Variants in FOXA2 observed in about 807,000 individuals in gnomAD.
FOXA2 encodes the protein hepatocyte nuclear factor 3-beta.
FOXA2 carries 9 observed loss-of-function variants against 33.3 expected under a neutral mutation model. That is an observed-to-expected ratio of 0.27 (90% CI 0.16 to 0.47). The LOEUF is 0.47. Ranked by LOEUF, FOXA2 falls within the 20% of genes least tolerant of loss-of-function variation. The pLI, the probability that FOXA2 is intolerant of heterozygous loss-of-function variation, is 0.99. For missense variants in FOXA2, 704 were observed against 659.9 expected (o/e 1.07, Z -0.73); for synonymous variants, 329 against 289.4 (o/e 1.14, Z -1.39).
rs761992311 is a variant in FOXA2, at chr20:22,581,875, G to C, written c.1367C>G (p.Ser456Cys). The change falls in exon 2 of 2, where the codon TCC becomes TGC. Residue 456 changes from serine (S) to cysteine (C), a missense_variant. Ser to Cys is a moderately radical substitution (Grantham distance 112, BLOSUM62 -1). Coordinates refer to ENST00000419308, the MANE Select transcript of FOXA2 (RefSeq NM_021784.5). The part of the protein sequence containing the change: ...ADTSYYQGVY[S>C]RPIMNSS ...TTAAGAGGAGTTCATAATGGGCCGG[G>C]AGTACACCCCCTGGTAGTAGGAGGT... 4.4e-6 allele frequency: 7 copies of C among 1,607,356 alleles called. No individual in the cohort carries two copies. Among genetic ancestry groups the C allele is most frequent in the Non-Finnish European group, 6.0e-6 (7 of 1,174,574 alleles).
rs147303608 is a variant in FOXA2 at position 22,582,777 on chromosome 20, C to T, written c.465G>A (p.Lys155=). The change falls in exon 2 of 2, where the codon AAG becomes AAA. Residue 155 remains lysine, a synonymous_variant. Transcript: ENST00000419308. The part of the protein sequence containing the change: ...QAGLSRARDP[K]TYRRSYTHAK... The stretch of plus-strand genomic sequence containing the variant: ...CGTGCGTGTAGCTGCGCCTGTAGGT[C>T]TTGGGGTCGCGGGCGCGGCTCAGGC... 2.2e-4 allele frequency: 348 copies of T among 1,614,088 alleles called. No homozygotes were observed. In the African/African-American group the frequency reaches 4.1e-3, roughly 19 times the overall value.
chr20:22,584,167 C>T (rs200785320), intron 1 of FOXA2, 25 bp downstream of exon 1: 30 of 1,609,118 alleles, frequency 1.9e-5, no homozygotes, highest in Non-Finnish European at 2.5e-5. Flanking sequence ...CGCTCCACTT[C>T]CCCCTGGAAA....
In FOXA2 at chr20:22,581,887, T is replaced by G. The variant is rs1984584234; in HGVS notation, c.1355A>C (p.Gln452Pro). 6.2e-7 allele frequency: 1 copy of G among 1,606,546 alleles called. No homozygotes were observed. The highest frequency in any genetic ancestry group is 8.5e-7 in the Non-Finnish European group (1 of 1,173,832). The change falls in exon 2 of 2, where the codon CAG (glutamine) becomes CCG (proline). Residue 452 changes from glutamine (Q) to proline (P), a missense_variant. By Grantham distance (76) the Gln-to-Pro change is moderately conservative. Transcript: ENST00000419308. ...CATAATGGGCCGGGAGTACACCCCCTGGTAGTAGGAGGTATCTGCGGCCAG... is the reference window on the plus strand; with the variant it reads ...CATAATGGGCCGGGAGTACACCCCCGGGTAGTAGGAGGTATCTGCGGCCAG... ...SPLAADTSYY[Q>P]GVYSRPIMNS... is the part of the protein sequence containing the mutation.
chr20:22,581,882 C>T lies in FOXA2; in HGVS notation c.1360G>A (p.Val454Met). ...GAGTTCATAATGGGCCGGGAGTACA[C>T]CCCCTGGTAGTAGGAGGTATCTGCG... ...LAADTSYYQG[V>M]YSRPIMNSS The change falls in exon 2 of 2, where the codon GTG becomes ATG. Residue 454 changes from valine (V) to methionine (M), a missense_variant. By Grantham distance (21) the Val-to-Met change is conservative (BLOSUM62 1). Around this residue, in one of 5 missense-constraint regions of FOXA2, gnomAD observed 343 missense variants for 274.8 expected, o/e 1.25. Coordinates refer to ENST00000419308, the MANE Select transcript of FOXA2 (RefSeq NM_021784.5). 1 of 1,607,186 alleles carries T rather than the reference C, an allele frequency of 6.2e-7. No individual in the cohort carries two copies. The highest frequency in any genetic ancestry group is 8.5e-7 in the Non-Finnish European group (1 of 1,174,342).
chr20:22,584,172 T>G lies in FOXA2; in HGVS notation c.87+20A>C, dbSNP rs767588191. On this transcript the variant is annotated intron_variant, in intron 1 of 1. Coordinates refer to ENST00000419308, the MANE Select transcript of FOXA2 (RefSeq NM_021784.5). ...CGAGCGCCGCCGCTCCACTTCCCCC[T>G]GGAAAAGACGAGCGCTTACCTCGGG... 11 of 1,611,582 alleles carry G rather than the reference T, an allele frequency of 6.8e-6. No homozygotes were observed. Among genetic ancestry groups the G allele is most frequent in the Non-Finnish European group, 9.3e-6 (11 of 1,178,772 alleles).
chr20:22,583,877 C>A (rs1984674758), intron 1 of FOXA2, among the ~76,000 whole-genome samples: 1 of 152,176 alleles, frequency 6.6e-6, no homozygotes, highest in Admixed American at 6.5e-5. Context: ...CCTCGCCGGC[C>A]GACCTCCCAC....
Position 22,582,157 on chromosome 20 carries a change from G to C in FOXA2, c.1085C>G (p.Pro362Arg), listed in dbSNP as rs747174796. The stretch of plus-strand genomic sequence containing the variant: ...CAGGTGGGCCTCAGGCGGCAGGCCC[G>C]GGTGGTGGGGCGGGCCCAGCAGGTG... ...AAHLLGPPHH[P>R]GLPPEAHLKP... Residue 362 changes from proline (P) to arginine (R), a missense_variant, in exon 2 of 2, where the codon CCG becomes CGG. Physicochemically the swap from Pro to Arg is moderately radical, Grantham distance 103. Around this residue, in one of 5 missense-constraint regions of FOXA2, gnomAD observed 343 missense variants for 274.8 expected, o/e 1.25. Coordinates refer to ENST00000419308, the MANE Select transcript of FOXA2 (RefSeq NM_021784.5). 5.8e-6 allele frequency: 9 copies of C among 1,564,258 alleles called. No individual in the cohort carries two copies. The highest frequency in any genetic ancestry group is 1.9e-5 in the Admixed American group (1 of 51,910).
intron 1 of FOXA2, 79 bp downstream of exon 1, chr20:22,584,113 A>G (rs1416509015): frequency 1.4e-6 from 2 of 1,403,260 alleles, no homozygotes; most frequent in Non-Finnish European, 2.0e-6. Context: ...GGGGGGTGCC[A>G]GCGAGGGAAG....
rs1984554226 is a variant in FOXA2 at position 22,581,125 on chromosome 20, C to T, written c.*725G>A. 6.6e-6 allele frequency: 1 copy of T among 152,474 alleles called. No homozygotes were observed. The highest frequency in any genetic ancestry group is 1.5e-5 in the Non-Finnish European group (1 of 68,018). 9.4% of individuals were successfully genotyped at this position (152,474 alleles called of 1,614,324 possible). A position where few individuals can be genotyped will look rare whatever the true frequency, so the allele number is the denominator to read the frequency against. ...CTCCTTCTTGAAATAATTTCCAAGC[C>T]TGTATATTTTGTAAGCCAAGTAAAG... On this transcript the variant is annotated 3_prime_UTR_variant, in exon 2 of 2. Coordinates refer to ENST00000419308, the MANE Select transcript of FOXA2 (RefSeq NM_021784.5).
chr20:22,583,942 G>C (rs949858960), intron 1 of FOXA2, among the ~76,000 whole-genome samples: 3 of 152,066 alleles, frequency 2.0e-5, no homozygotes, highest in African/African-American at 7.2e-5. Context: ...TGCGTGGCTC[G>C]GCCACGAAGA....
In FOXA2 at chr20:22,581,822, G is replaced by A; in HGVS notation, c.*28C>T. The A allele has an allele frequency of 6.2e-7, 1 of 1,602,346 alleles. No homozygotes were observed. The highest frequency in any genetic ancestry group is 8.5e-7 in the Non-Finnish European group (1 of 1,170,904). On this transcript the variant is annotated 3_prime_UTR_variant, in exon 2 of 2. Transcript: ENST00000419308. ...CTTGTCCTCGATCCGGGGTGCCAGA[G>A]TTAGCCGGGCCTGAAGCCGTCGTCT...
At chr20:22,585,235 T>C (rs1486825727), upstream of FOXA2, 1 of 152,278 alleles carries the variant, frequency 6.6e-6, no homozygotes, top group African/African-American at 2.4e-5. Context: ...GACAGCCAAT[T>C]TGCAAAGCGC....
chr20:22,583,442 A>T (rs1984660366), intron 1 of FOXA2, among the ~76,000 whole-genome samples: 1 of 152,150 alleles, frequency 6.6e-6, no homozygotes, highest in Non-Finnish European at 1.5e-5. Flanking sequence ...GAGTACTCCC[A>T]AGCCAGCACC....
Position 22,582,232 on chromosome 20 carries a change from C to T in FOXA2, c.1010G>A (p.Ser337Asn). Reference protein sequence around the residue: ...ELKGTPAAALSPPEPAPSPGQ... With the variant: ...ELKGTPAAALNPPEPAPSPGQ... Reference sequence around the variant, plus strand: ...GGGAGAGGGCGCCGGCTCTGGGGGGCTCAGCGCCGCAGCCGGCGTCCCCTT... The same window carrying T: ...GGGAGAGGGCGCCGGCTCTGGGGGGTTCAGCGCCGCAGCCGGCGTCCCCTT... Residue 337 changes from serine to asparagine, a missense_variant, in exon 2 of 2, where the codon AGC (serine) becomes AAC (asparagine). Physicochemically the swap from Ser to Asn is conservative, Grantham distance 46. Around this residue, in one of 5 missense-constraint regions of FOXA2, gnomAD observed 343 missense variants for 274.8 expected, o/e 1.25. Coordinates refer to ENST00000419308, the MANE Select transcript of FOXA2 (RefSeq NM_021784.5). 1 of 1,486,188 alleles carries T rather than the reference C, an allele frequency of 6.7e-7. No homozygotes were observed. Among genetic ancestry groups the T allele is most frequent in the Non-Finnish European group, 8.9e-7 (1 of 1,123,376 alleles). 92.1% of individuals were successfully genotyped at this position (1,486,188 alleles called of 1,614,324 possible). A position where few individuals can be genotyped will look rare whatever the true frequency, so the allele number is the denominator to read the frequency against.
chr20:22,583,082 C>A lies in FOXA2; in HGVS notation c.160G>T (p.Ala54Ser). ...CCCGAGCCGCTGCCCATGGCGGCCG[C>A]CGACATGCTCATGTACGTGTTCATG... ...NGMNTYMSMS[A>S]AAMGSGSGNM... The change falls in exon 2 of 2, where the codon GCG (alanine) becomes TCG (serine). Residue 54 changes from alanine (A) to serine (S), a missense_variant. Ala to Ser is a moderately conservative substitution (Grantham distance 99). Transcript: ENST00000419308. 6.2e-7 allele frequency: 1 copy of A among 1,609,236 alleles called. No homozygotes were observed.
Position 22,581,981 on chromosome 20 carries a change from C to G in FOXA2, c.1261G>C (p.Gly421Arg). Reference protein sequence around the residue: ...YEQVMHYPGYGSPMPGSLAMG... With the variant: ...YEQVMHYPGYRSPMPGSLAMG... ...GCCAAGCTGCCAGGCATGGGGGAACCGTAGCCGGGGTAGTGCATCACCTGT... is the reference window on the plus strand; with the variant it reads ...GCCAAGCTGCCAGGCATGGGGGAACGGTAGCCGGGGTAGTGCATCACCTGT... Residue 421 changes from glycine (G) to arginine (R), a missense_variant, in exon 2 of 2, where the codon GGT becomes CGT. This residue lies in a region of FOXA2 where 343 missense variants were observed against 274.8 expected (regional missense o/e 1.25). Transcript: ENST00000419308. 2 of 1,613,710 alleles carry G rather than the reference C, an allele frequency of 1.2e-6. No homozygotes were observed. The highest frequency in any genetic ancestry group is 1.3e-5 in the African/African-American group (1 of 75,040).
upstream of FOXA2, among the ~76,000 whole-genome samples, chr20:22,584,672 T>TGGAGGAGAA (rs1325551283): frequency 0.12 from 4,272 of 34,356 alleles, 193 homozygotes; most frequent in African/African-American, 0.22. Flanking sequence ...GTGGTGGTGG[T>TGGAGGAGAA]GGAGGAGGAG....
At position 22,582,982 on chromosome 20, in the gene FOXA2, G is replaced by C; in HGVS notation, c.260C>G (p.Ser87Cys). ...AGMSPSLAGM[S>C]PGAGAMAGMG... is the part of the protein sequence containing the mutation. ...GCCCGCCATGGCGCCCGCGCCGGGGGACATCCCCGCCAGGGACGGGCTCAT... is the reference window on the plus strand; with the variant it reads ...GCCCGCCATGGCGCCCGCGCCGGGGCACATCCCCGCCAGGGACGGGCTCAT... The change falls in exon 2 of 2, where the codon TCC (serine) becomes TGC (cysteine). Residue 87 changes from serine to cysteine, a missense_variant. Ser to Cys is a moderately radical substitution (Grantham distance 112, BLOSUM62 -1). This residue lies in a region of FOXA2 where 304 missense variants were observed against 251.7 expected (regional missense o/e 1.21). Coordinates refer to ENST00000419308, the MANE Select transcript of FOXA2 (RefSeq NM_021784.5). The C allele has an allele frequency of 6.2e-7, 1 of 1,605,000 alleles. No individual in the cohort carries two copies. The highest frequency in any genetic ancestry group is 8.5e-7 in the Non-Finnish European group (1 of 1,177,960).
In FOXA2 at chr20:22,582,351, G is replaced by A. The variant is rs1984608182; in HGVS notation, c.891C>T (p.Ala297=). 1.3e-6 allele frequency: 2 copies of A among 1,482,342 alleles called. No homozygotes were observed. Among genetic ancestry groups the A allele is most frequent in the South Asian group, 2.8e-5 (2 of 72,296 alleles). 91.8% of individuals were successfully genotyped at this position (1,482,342 alleles called of 1,614,324 possible). The change falls in exon 2 of 2, where the codon GCC becomes GCT. Residue 297 remains alanine (A), a synonymous_variant. Transcript: ENST00000419308. ...CCGCCGGAGTCTCGGAGGCCGGCCC[G>A]GCGGCCTCCCCGAGTTGAGCCTGTG... ...QASQAQLGEA[A]GPASETPAGT... is the part of the protein sequence containing the mutation.
Sources: allele counts gnomAD v4.1 joint callset (sites outside exome capture counted in the v4.1 genomes callset), GRCh38; gene constraint gnomAD v4.1.1; regional missense constraint gnomAD v4.1.1; transcripts MANE v1.5; gene names NCBI Gene and HGNC (gene_info 2026-07-23, HGNC 2026-07-21).